ADAMTS20: variants seen among roughly 807,000 people sequenced by gnomAD.
ADAMTS20 encodes ADAM metallopeptidase with thrombospondin type 1 motif 20.
Under a neutral mutation model 260.1 loss-of-function variants are expected in ADAMTS20, and 225 were observed. That is an observed-to-expected ratio of 0.87 (90% CI 0.78 to 0.97). ADAMTS20 has a LOEUF of 0.97. Ranked by LOEUF, ADAMTS20 falls within the 50% of genes least tolerant of loss-of-function variation. The probability of loss-of-function intolerance (pLI) is 0.00; values close to 1 mark genes in which losing one functional copy is unlikely to be tolerated. For synonymous variants in ADAMTS20, 802 were observed against 769.5 expected (o/e 1.04, Z -0.70); for missense variants, 2,400 against 2,337.7 (o/e 1.03, Z -0.55).
chr12:43,471,225 G>A (rs994115438), intron 7 of ADAMTS20, among the ~76,000 whole-genome samples: 27 of 152,216 alleles, frequency 1.8e-4, no homozygotes, highest in South Asian at 1.2e-3. Context: ...AAGGGGTGAC[G>A]GACGCACCTG....
Position 43,525,919 on chromosome 12 carries a change from G to A in ADAMTS20, c.613+6117C>T, listed in dbSNP as rs143842283. 1.6e-4 allele frequency among the ~76,000 whole-genome samples: 25 copies of A among 152,068 alleles called. No individual in the cohort carries two copies. The East Asian group carries it at 2.9e-3, about 18-fold the overall frequency. On this transcript the variant is annotated intron_variant, in intron 3 of 38. Coordinates refer to ENST00000389420, the MANE Select transcript of ADAMTS20 (RefSeq NM_025003.5). ...CCTGAGAAATGAGATAGACAGCAACGTAATAATAATGGGGGAATTCAATAC... is the reference window on the plus strand; with the variant it reads ...CCTGAGAAATGAGATAGACAGCAACATAATAATAATGGGGGAATTCAATAC...
chr12:43,357,556 C>T (rs1939771489), intron 37 of ADAMTS20, among the ~76,000 whole-genome samples: 1 of 152,088 alleles, frequency 6.6e-6, no homozygotes, highest in East Asian at 1.9e-4. Context: ...TTGTATATTT[C>T]TCATTTAAAA....
In ADAMTS20 at chr12:43,468,683, TA is replaced by T. The variant is rs1565561949; in HGVS notation, c.1139del (p.Ile380AsnfsTer22). The T allele has an allele frequency of 6.2e-7, 1 of 1,600,484 alleles. No homozygotes were observed. Among genetic ancestry groups the T allele is most frequent in the Admixed American group, 1.7e-5 (1 of 57,976 alleles). Reference sequence around the variant, plus strand: ...TAAAGCAGCTTTGTAAAGGATCACATATGGTACCTAAATATGATAAACCTGA... The same window carrying T: ...TAAAGCAGCTTTGTAAAGGATCACATTGGTACCTAAATATGATAAACCTGA... ...NMLGLSYLGT[I>X]CDPLQSCFIN... On this transcript the variant is annotated frameshift_variant, in exon 8 of 39. Coordinates refer to ENST00000389420, the MANE Select transcript of ADAMTS20 (RefSeq NM_025003.5). LOFTEE classifies it high-confidence loss of function.
chr12:43,496,629 T>A (rs1942681315), intron 4 of ADAMTS20, among the ~76,000 whole-genome samples: 1 of 151,926 alleles, frequency 6.6e-6, no homozygotes, highest in Non-Finnish European at 1.5e-5. Flanking sequence ...AATGAGTTGA[T>A]TTTTTTTGTC....
chr12:43,404,218 CAA>C (rs1291830782), intron 28 of ADAMTS20, among the ~76,000 whole-genome samples: 2 of 142,406 alleles, frequency 1.4e-5, no homozygotes, highest in African/African-American at 5.2e-5. Flanking sequence ...CACACACACA[CAA>C]ATAGAAAGCA....
intron 24 of ADAMTS20, 31 bp downstream of exon 24, chr12:43,429,586 A>G: frequency 7.0e-7 from 1 of 1,432,502 alleles, no homozygotes; most frequent in Non-Finnish European, 9.6e-7. Context: ...CCATAATAGA[A>G]ACACTGTATC....
At position 43,429,712 on chromosome 12, in the gene ADAMTS20, TA is replaced by T; in HGVS notation, c.3393del (p.Thr1132HisfsTer19). On this transcript the variant is annotated frameshift_variant, in exon 24 of 39. Transcript: ENST00000389420. LOFTEE classifies it high-confidence loss of function. ...AGTTTAGAAATAAATGAGCAAGGTG[TA>T]AGTACACAGCTCTGTTCAGAAGAAA... ...SRPSDRQSCV[L>X]TPCSFISKLE... 1 of 1,581,848 alleles carries T rather than the reference TA, an allele frequency of 6.3e-7. No homozygotes were observed. Among genetic ancestry groups the T allele is most frequent in the Non-Finnish European group, 8.6e-7 (1 of 1,161,778 alleles).
intron 37 of ADAMTS20, among the ~76,000 whole-genome samples, chr12:43,365,361 G>A (rs149877947): frequency 1.2e-3 from 183 of 152,060 alleles, no homozygotes; most frequent in African/African-American, 4.2e-3. Context: ...TATAAAATAC[G>A]CTATAATTGC....
chr12:43,501,353 C>T (rs1010146392), intron 4 of ADAMTS20, among the ~76,000 whole-genome samples: 3 of 152,014 alleles, frequency 2.0e-5, no homozygotes, highest in South Asian at 2.1e-4. Flanking sequence ...AGCTACCACA[C>T]CTGGCCAGTA....
At chr12:43,434,425 G>A in intron 18 of ADAMTS20, 54 bp from the exon 19 acceptor site, 1 of 1,509,018 alleles carries the variant, frequency 6.6e-7, no homozygotes, top group South Asian at 1.3e-5. Flanking sequence ...ACAGTTAGAT[G>A]TTCCATAATT....
At chr12:43,538,953 CTT>C (rs36106874) in intron 2 of ADAMTS20, among the ~76,000 whole-genome samples, 2,546 of 117,488 alleles carry the variant, frequency 0.022, 34 homozygotes, top group East Asian at 0.11. Context: ...TATGAACATT[CTT>C]TTTTTTTTTT....
intron 2 of ADAMTS20, among the ~76,000 whole-genome samples, chr12:43,537,933 T>C (rs1013322269): frequency 2.6e-5 from 4 of 152,232 alleles, no homozygotes; most frequent in Non-Finnish European, 5.9e-5. Context: ...GACACTTAGG[T>C]TGCTTCCAAA....
chr12:43,371,487 T>A (rs1253822635), intron 36 of ADAMTS20, among the ~76,000 whole-genome samples: 1 of 152,176 alleles, frequency 6.6e-6, no homozygotes, highest in Admixed American at 6.5e-5. Context: ...GGGTGATACT[T>A]GCTATGGAAA....
At position 43,551,755 on chromosome 12, in the gene ADAMTS20, G is replaced by C; in HGVS notation, c.91+76C>G. 1 of 1,464,874 alleles carries C rather than the reference G, an allele frequency of 6.8e-7. No individual in the cohort carries two copies. Among genetic ancestry groups the C allele is most frequent in the Non-Finnish European group, 9.5e-7 (1 of 1,053,270 alleles). The allele number at this position is 1,464,874 out of a possible 1,614,324, so 90.7% of individuals were successfully genotyped here. On this transcript the variant is annotated intron_variant, in intron 1 of 38. Transcript: ENST00000389420. The surrounding 1 kb of genome is among the most constrained non-coding windows in gnomAD (Gnocchi z 4.6). ...CGTTCCCCAACGGGCTGAGCCGCTC[G>C]TCCCCGCGACCTGCATGTCCCACTC... is the stretch of plus-strand genomic sequence containing the variant.
chr12:43,420,675 A>C (rs1435028333), intron 28 of ADAMTS20, among the ~76,000 whole-genome samples: 1 of 151,958 alleles, frequency 6.6e-6, no homozygotes, highest in Non-Finnish European at 1.5e-5. Flanking sequence ...GGCAGAGCCC[A>C]ACACCCTTTG....
chr12:43,512,735 A>G (rs17093422), intron 3 of ADAMTS20, among the ~76,000 whole-genome samples: 13,871 of 152,214 alleles, frequency 0.091, 794 homozygotes, highest in Admixed American at 0.19. Context: ...ATCACTTACT[A>G]TTATTGTGTA....
intron 31 of ADAMTS20, among the ~76,000 whole-genome samples, chr12:43,378,794 G>A (rs1233074913): frequency 1.3e-5 from 2 of 152,206 alleles, no homozygotes; most frequent in African/African-American, 4.8e-5. Flanking sequence ...AAATGGAAGA[G>A]TAAGGACATC....
intron 28 of ADAMTS20, among the ~76,000 whole-genome samples, chr12:43,404,660 T>C (rs900264300): frequency 6.6e-6 from 1 of 152,186 alleles, no homozygotes; most frequent in African/African-American, 2.4e-5. Context: ...TTTGTTTTTA[T>C]GTTAATCATC....
At chr12:43,377,750 G>T (rs1940262033) in intron 31 of ADAMTS20, among the ~76,000 whole-genome samples, 188 bp from the exon 32 acceptor site, 1 of 152,044 alleles carries the variant, frequency 6.6e-6, no homozygotes, top group South Asian at 2.1e-4. Context: ...ACCAATAAAG[G>T]AAAGAAACTC....
Sources: allele counts gnomAD v4.1 joint callset (sites outside exome capture counted in the v4.1 genomes callset), GRCh38; gene constraint gnomAD v4.1.1; non-coding constraint Gnocchi (gnomAD v3.1); transcripts MANE v1.5; gene names NCBI Gene and HGNC (gene_info 2026-07-23, HGNC 2026-07-21).